LAMA4: variants seen among roughly 807,000 people sequenced by gnomAD.
LAMA4 encodes the protein laminin subunit alpha 4.
A neutral mutation model predicts 207.1 loss-of-function variants in LAMA4; 127 were observed. The observed-to-expected ratio is 0.61, with a 90% CI of 0.53 to 0.71. The LOEUF (loss-of-function observed/expected upper bound fraction) is 0.71. LAMA4 is among the 30% of genes least tolerant of loss of function. LAMA4 has a pLI of 0.00. For missense variants in LAMA4, 2,093 were observed against 2,246.5 expected, an observed-to-expected ratio of 0.93 and a Z score of 1.38; for synonymous variants, 761 against 816.0, an observed-to-expected ratio of 0.93 and a Z score of 1.15.
At chr6:112,114,284 T>C in intron 37 of LAMA4, 89 bp from the exon 38 acceptor site, 1 of 1,346,864 alleles carries the variant, frequency 7.4e-7, no homozygotes, top group African/African-American at 1.4e-5. Flanking sequence ...GCAATTGCTT[T>C]TATTTATTCC....
Position 112,117,838 on chromosome 6 carries a change from T to C in LAMA4, c.4882A>G (p.Ile1628Val). ...LSNLQLNGAS[I>V]TSASQTFSVT... ...CTGAATGTCTGAGAAGCAGAGGTGA[T>C]GGAGGCCCCATTGAGCTGGAGATTG... The change falls in exon 35 of 39, where the codon ATC (isoleucine) becomes GTC (valine). Residue 1628 changes from isoleucine (I) to valine (V), a missense_variant. This residue lies in a region of LAMA4 where 383 missense variants were observed against 437.8 expected (regional missense o/e 0.87). Transcript: ENST00000230538. This position sits in a 1 kb window ranked among gnomAD's most constrained non-coding sequence, Gnocchi z 4.5. 6.2e-7 allele frequency: 1 copy of C among 1,613,698 alleles called. No individual in the cohort carries two copies. The highest frequency in any genetic ancestry group is 8.5e-7 in the Non-Finnish European group (1 of 1,179,706).
chr6:112,154,616 G>A lies in LAMA4; in HGVS notation c.2056+235C>T. The A allele has an allele frequency of 3.6e-6, 2 of 558,098 alleles. 1 individual carries two copies. The highest frequency in any genetic ancestry group is 4.3e-5 in the South Asian group (2 of 46,258). 34.6% of individuals were successfully genotyped at this position (558,098 alleles called of 1,614,324 possible). ...TGATTAGCAGGAATAGCCACAGTAT[G>A]TGAGATAGCTATGTGTTTCCATGTA... On this transcript the variant is annotated intron_variant, in intron 16 of 38. Transcript: ENST00000230538.
At chr6:112,116,099 T>C (rs1231517507) in intron 35 of LAMA4, 106 bp from the exon 36 acceptor site, 2 of 1,189,242 alleles carry the variant, frequency 1.7e-6, no homozygotes, top group African/African-American at 3.1e-5. Context: ...GAAAGTTTGA[T>C]GCATTTTTTA....
At chr6:112,123,702 A>G (rs1778511830) in intron 31 of LAMA4, among the ~76,000 whole-genome samples, 1 of 152,190 alleles carries the variant, frequency 6.6e-6, no homozygotes, top group African/African-American at 2.4e-5. Flanking sequence ...CAGCTCGTGC[A>G]GTTGGATTTT....
At chr6:112,141,842 G>A (rs1288312846) in intron 20 of LAMA4, among the ~76,000 whole-genome samples, 2 of 152,156 alleles carry the variant, frequency 1.3e-5, no homozygotes, top group African/African-American at 4.8e-5. Context: ...AACAGAATAG[G>A]CTTCTGTCTT....
At chr6:112,238,620 T>C (rs1030064619) in intron 2 of LAMA4, among the ~76,000 whole-genome samples, 9 of 152,102 alleles carry the variant, frequency 5.9e-5, no homozygotes, top group African/African-American at 1.7e-4. Context: ...GGCAGGAGAA[T>C]AGCTTGAACC....
rs1782130087 is a variant in LAMA4 at position 112,178,133 on chromosome 6, C to T, written c.1177G>A (p.Asp393Asn). 2 of 1,608,736 alleles carry T rather than the reference C, an allele frequency of 1.2e-6. No individual in the cohort carries two copies. The highest frequency in any genetic ancestry group is 3.3e-4 in the Middle Eastern group (2 of 6,062). ...AGAATATATTTACCTTGGATTTTAT[C>T]CCTCATATCATGGGCTTGCTCTACC... The part of the protein sequence containing the change: ...QLVEQAHDMR[D>N]KIQEINNKML... Residue 393 changes from aspartate (D) to asparagine (N), a missense_variant, in exon 10 of 39, where the codon GAT becomes AAT. Transcript: ENST00000230538.
chr6:112,128,211 G>A (rs1778812776), intron 31 of LAMA4, among the ~76,000 whole-genome samples: 1 of 152,136 alleles, frequency 6.6e-6, no homozygotes, highest in Non-Finnish European at 1.5e-5. Context: ...CCATTGTAAA[G>A]GAAACCATTG....
At chr6:112,249,323 A>G (rs1389104977) in intron 2 of LAMA4, among the ~76,000 whole-genome samples, 1 of 151,662 alleles carries the variant, frequency 6.6e-6, no homozygotes, top group Non-Finnish European at 1.5e-5. Context: ...TGTGCCTGTA[A>G]TCCCAGCTAC....
intron 20 of LAMA4, 150 bp downstream of exon 20, chr6:112,141,969 T>C: frequency 1.3e-6 from 1 of 752,658 alleles, no homozygotes; most frequent in South Asian, 1.6e-5. Flanking sequence ...CTTTAGTCAT[T>C]CTTTTAATTT....
chr6:112,111,207 C>T (rs1777673598), intron 38 of LAMA4, among the ~76,000 whole-genome samples: 1 of 152,066 alleles, frequency 6.6e-6, no homozygotes, highest in Non-Finnish European at 1.5e-5. Context: ...CCACACTCAG[C>T]TATTTTTTGT....
rs781832125 is a variant in LAMA4 at position 112,134,463 on chromosome 6, T to C, written c.3557+4A>G. 1.6e-5 allele frequency: 26 copies of C among 1,613,308 alleles called. No individual in the cohort carries two copies. Among genetic ancestry groups the C allele is most frequent in the Middle Eastern group, 1.6e-4 (1 of 6,080 alleles). ...ACAAACAGCTACTTAACAAAAAGCC[T>C]TACCTGGATTGTAAGATTTCTGGAG... On this transcript the variant is annotated splice_donor_region_variant and intron_variant, in intron 26 of 38. Transcript: ENST00000230538.
chr6:112,127,002 T>C (rs1294200485), intron 31 of LAMA4, among the ~76,000 whole-genome samples: 1 of 152,210 alleles, frequency 6.6e-6, no homozygotes, highest in East Asian at 1.9e-4. Flanking sequence ...ATATAACCAC[T>C]AATATTCACT....
intron 12 of LAMA4, among the ~76,000 whole-genome samples, chr6:112,171,462 A>G (rs1244196632): frequency 6.6e-6 from 1 of 152,096 alleles, no homozygotes; most frequent in Admixed American, 6.6e-5. Context: ...GTTGAGAAAC[A>G]ATGAAAGCCA....
At chr6:112,136,086 A>AC (rs782534160) in intron 25 of LAMA4, 37 bp downstream of exon 25, 1 of 1,596,274 alleles carries the variant, frequency 6.3e-7, no homozygotes, top group East Asian at 2.2e-5. Context: ...AGTATAAAGA[A>AC]CAAAAACAAA....
At chr6:112,157,493 T>C (rs1780788267) in intron 14 of LAMA4, among the ~76,000 whole-genome samples, 1 of 152,204 alleles carries the variant, frequency 6.6e-6, no homozygotes, top group African/African-American at 2.4e-5. Flanking sequence ...TGTCTCTAAG[T>C]TGAAATGCTT....
At chr6:112,194,434 C>A (rs1554349946) in intron 5 of LAMA4, among the ~76,000 whole-genome samples, 1 of 152,164 alleles carries the variant, frequency 6.6e-6, no homozygotes. Flanking sequence ...ACAGTGGAAA[C>A]CTACTTTGAG....
intron 9 of LAMA4, chr6:112,179,885 C>T: frequency 1.9e-6 from 1 of 532,012 alleles, no homozygotes; most frequent in Non-Finnish European, 3.9e-6. Flanking sequence ...TCTGAATGGA[C>T]ACTGTCTTCT....
chr6:112,131,108 T>G lies in LAMA4; in HGVS notation c.3835-7A>C. 6.2e-7 allele frequency: 1 copy of G among 1,612,778 alleles called. No homozygotes were observed. Among genetic ancestry groups the G allele is most frequent in the Non-Finnish European group, 8.5e-7 (1 of 1,178,994 alleles). ...AGATGGAGAACACGTCTGACTGAAA[T>G]GCAAGCACAGGCATGTAAGTAGGGA... On this transcript the variant is annotated splice_polypyrimidine_tract_variant and splice_region_variant and intron_variant, in intron 28 of 38. Transcript: ENST00000230538.
Sources: gnomAD v4.1 joint callset for allele counts (sites outside exome capture counted in the v4.1 genomes callset) on GRCh38, gnomAD v4.1.1 for gene constraint, gnomAD v4.1.1 regional missense constraint, Gnocchi (gnomAD v3.1) non-coding constraint, MANE v1.5 for transcripts, NCBI Gene and HGNC (gene_info 2026-07-23, HGNC 2026-07-21) for gene names.